The following MBD5 variants were observed in gnomAD, a reference collection of about 807,000 sequenced individuals.
MBD5 encodes the protein methyl-CpG-binding domain protein 5.
MBD5 carries 13 observed loss-of-function variants against 117.3 expected under a neutral mutation model. The ratio of observed to expected loss-of-function variants is 0.11; its 90% CI spans 0.07 to 0.18. MBD5 has a LOEUF of 0.18. Among genes scored for constraint, MBD5 ranks in the 10% least tolerant of loss-of-function variants. MBD5 has a pLI of 1.00. For missense variants in MBD5, 1,879 were observed against 2,093.8 expected (o/e 0.90, Z 2.00); for synonymous variants, 727 against 766.4 (o/e 0.95, Z 0.85).
chr2:148,499,521 A>G (rs1681809812), intron 11 of MBD5, among the ~76,000 whole-genome samples: 1 of 152,228 alleles, frequency 6.6e-6, no homozygotes, highest in Admixed American at 6.5e-5. Context: ...TCTCACTAAG[A>G]TAGAGTTAAA....
chr2:148,504,530 C>CA (rs1199521520), intron 12 of MBD5, among the ~76,000 whole-genome samples: 5 of 151,728 alleles, frequency 3.3e-5, no homozygotes, highest in Non-Finnish European at 4.4e-5. Context: ...ACAAATTTAG[C>CA]AAAAAAAATC....
intron 3 of MBD5, chr2:148,260,855 T>C (rs187152870): frequency 6.6e-6 from 1 of 152,312 alleles, no homozygotes; most frequent in East Asian, 1.9e-4. Context: ...TTAAAATTGA[T>C]GCATTTTCAA....
chr2:148,227,985 G>A (rs1223127022), intron 2 of MBD5, among the ~76,000 whole-genome samples: 1 of 152,210 alleles, frequency 6.6e-6, no homozygotes, highest in African/African-American at 2.4e-5. Context: ...TGCTGAATTT[G>A]CTTATCAGCT....
intron 3 of MBD5, among the ~76,000 whole-genome samples, chr2:148,338,992 C>T (rs1299073440): frequency 6.6e-6 from 1 of 152,134 alleles, no homozygotes; most frequent in Non-Finnish European, 1.5e-5. Flanking sequence ...TTTGAGCAGG[C>T]ACTCGTGACA....
intron 3 of MBD5, among the ~76,000 whole-genome samples, chr2:148,254,610 TACA>T (rs1700540315): frequency 6.6e-6 from 1 of 152,066 alleles, no homozygotes; most frequent in Non-Finnish European, 1.5e-5. Flanking sequence ...CACCCCCAGG[TACA>T]ACGTCTGCTG....
chr2:148,050,240 T>C (rs936372871), intron 1 of MBD5, among the ~76,000 whole-genome samples: 8 of 152,088 alleles, frequency 5.3e-5, no homozygotes, highest in Non-Finnish European at 1.2e-4. Flanking sequence ...GAGGTTGAAA[T>C]TTTATCTCAT....
intron 4 of MBD5, among the ~76,000 whole-genome samples, chr2:148,435,484 T>A (rs1010141405): frequency 5.3e-5 from 8 of 152,214 alleles, no homozygotes; most frequent in Non-Finnish European, 1.2e-4. Context: ...GGATCTTATT[T>A]CTCCTTCACT....
At chr2:148,256,710 G>A (rs1314249871) in intron 3 of MBD5, among the ~76,000 whole-genome samples, 1 of 152,234 alleles carries the variant, frequency 6.6e-6, no homozygotes, top group African/African-American at 2.4e-5. Context: ...ACCTCGGCTA[G>A]ACCCATCTGT....
chr2:148,407,766 T>C (rs773450140), intron 4 of MBD5, among the ~76,000 whole-genome samples: 5 of 152,206 alleles, frequency 3.3e-5, no homozygotes, highest in Non-Finnish European at 7.4e-5. Flanking sequence ...TATTTTCTTA[T>C]ACATTTGTTA....
At chr2:148,337,823 C>A (rs993982196) in intron 3 of MBD5, among the ~76,000 whole-genome samples, 3 of 152,142 alleles carry the variant, frequency 2.0e-5, no homozygotes, top group African/African-American at 4.8e-5. Context: ...TGCTTCCTGA[C>A]CTTCCACTCT....
intron 1 of MBD5, among the ~76,000 whole-genome samples, chr2:148,088,637 GT>G (rs1695858936): frequency 6.6e-6 from 1 of 152,002 alleles, no homozygotes; most frequent in African/African-American, 2.4e-5. Flanking sequence ...AAGAAATAAA[GT>G]TTTTCAGACA....
At chr2:148,115,760 C>G (rs1040697656) in intron 1 of MBD5, among the ~76,000 whole-genome samples, 1 of 152,040 alleles carries the variant, frequency 6.6e-6, no homozygotes, top group African/African-American at 2.4e-5. Context: ...GCCTTTGTGT[C>G]ATGTTAACAA....
intron 4 of MBD5, among the ~76,000 whole-genome samples, chr2:148,380,270 A>G (rs1441606603): frequency 1.3e-5 from 2 of 152,214 alleles, no homozygotes; most frequent in Non-Finnish European, 2.9e-5. Context: ...ATTCAGCAGT[A>G]TAATAAATCT....
intron 4 of MBD5, among the ~76,000 whole-genome samples, chr2:148,430,936 T>C (rs1284098395): frequency 1.3e-5 from 2 of 152,292 alleles, no homozygotes; most frequent in East Asian, 3.9e-4. Context: ...TAAAATTACT[T>C]ATAATTAAAC....
At chr2:148,342,926 C>G (rs1702986704) in intron 4 of MBD5, among the ~76,000 whole-genome samples, 1 of 151,924 alleles carries the variant, frequency 6.6e-6, no homozygotes, top group African/African-American at 2.4e-5. Flanking sequence ...GCTCCCCCTT[C>G]CACCCTTTCC....
chr2:148,114,469 C>CA (rs1393274189), intron 1 of MBD5, among the ~76,000 whole-genome samples: 13 of 149,538 alleles, frequency 8.7e-5, no homozygotes, highest in Admixed American at 4.0e-4. Context: ...GAGTCCATCT[C>CA]AAAAAAAAAC....
At chr2:148,137,482 C>T (rs550273949) in intron 1 of MBD5, among the ~76,000 whole-genome samples, 12 of 152,182 alleles carry the variant, frequency 7.9e-5, no homozygotes, top group Non-Finnish European at 1.6e-4. Flanking sequence ...CCCATCTGGC[C>T]AGGCCTCTTG....
Position 148,064,121 on chromosome 2 carries a change from C to CTT in MBD5, c.-925+42442_-925+42443dup, listed in dbSNP as rs200434229. ...GAAACATACTATTCCCACCAGCTGT[C>CTT]TTTTTTCTTTTTTTTTTTTTTTGAG... On this transcript the variant is annotated intron_variant, in intron 1 of 13. Coordinates refer to ENST00000642680, the MANE Select transcript of MBD5 (RefSeq NM_001378120.1). Among the ~76,000 whole-genome samples, 402 of 126,152 alleles carry CTT rather than the reference C, an allele frequency of 3.2e-3. 29 individuals carry two copies. Among genetic ancestry groups the CTT allele is most frequent in the East Asian group, 8.1e-3 (33 of 4,072 alleles). 82.8% of individuals were successfully genotyped at this position (126,152 alleles called of 152,430 possible).
At chr2:148,116,375 G>A (rs1026130361) in intron 1 of MBD5, among the ~76,000 whole-genome samples, 5 of 152,142 alleles carry the variant, frequency 3.3e-5, no homozygotes, top group Admixed American at 6.6e-5. Flanking sequence ...CCAACATGAC[G>A]TTGAAATGTC....
Sources: allele counts gnomAD v4.1 joint callset (sites outside exome capture counted in the v4.1 genomes callset), GRCh38; gene constraint gnomAD v4.1.1; transcripts MANE v1.5; gene names NCBI Gene and HGNC (gene_info 2026-07-23, HGNC 2026-07-21).